The following LRGUK variants were observed in gnomAD, a reference collection of about 807,000 sequenced individuals.
The protein encoded by LRGUK is leucine rich repeats and guanylate kinase domain containing.
LRGUK carries 65 observed loss-of-function variants against 76.0 expected under a neutral mutation model. The ratio of observed to expected loss-of-function variants is 0.85; its 90% CI spans 0.70 to 1.05. The LOEUF (loss-of-function observed/expected upper bound fraction) is 1.05. Among genes scored for constraint, LRGUK ranks in the 50% least tolerant of loss-of-function variants. The pLI is 0.00. For missense variants in LRGUK, 758 were observed against 732.8 expected (o/e 1.03, Z -0.40); for synonymous variants, 268 against 265.6 (o/e 1.01, Z -0.09).
chr7:134,239,633 G>C (rs940552078), intron 16 of LRGUK, among the ~76,000 whole-genome samples: 6 of 152,250 alleles, frequency 3.9e-5, no homozygotes, highest in African/African-American at 1.4e-4. Flanking sequence ...GCAGGACATA[G>C]CTGAATAAAA....
intron 16 of LRGUK, among the ~76,000 whole-genome samples, chr7:134,227,162 C>T (rs950547315): frequency 6.6e-6 from 1 of 152,098 alleles, no homozygotes; most frequent in African/African-American, 2.4e-5. Context: ...GCCACTTATT[C>T]CTATGGACTT....
rs183251140 is a variant in LRGUK, at chr7:134,204,082, T to C, written c.1843+2506T>C. Among the ~76,000 whole-genome samples, 24 of 152,284 alleles carry C rather than the reference T, an allele frequency of 1.6e-4. No homozygotes were observed. In the East Asian group the frequency reaches 4.4e-3, roughly 28 times the overall value. On this transcript the variant is annotated intron_variant, in intron 15 of 15. Coordinates refer to ENST00000645682, the Ensembl canonical transcript of LRGUK. ...TCTTGTGGGTTTGGATAAACATGAA[T>C]CAGTCCCCTGAGCCTGACCAGCTCT...
exon 12 of LRGUK, chr7:134,191,663 A>G (rs1462021246): frequency 3.1e-6 from 5 of 1,610,566 alleles, no homozygotes; most frequent in Non-Finnish European, 4.2e-6. Context: ...AGGGCCTGTC[A>G]TACCACAAGA....
At chr7:134,239,900 CT>C (rs1367220570) in intron 16 of LRGUK, among the ~76,000 whole-genome samples, 2 of 152,218 alleles carry the variant, frequency 1.3e-5, no homozygotes, top group African/African-American at 4.8e-5. Flanking sequence ...GCAATAGTTG[CT>C]GTTCTGCAGC....
chr7:134,247,590 C>T (rs200874637), exon 17 of LRGUK: 747 of 1,613,646 alleles, frequency 4.6e-4, no homozygotes, highest in Admixed American at 7.0e-4. Context: ...CACGAGGCAG[C>T]CCGGCAAGCT....
chr7:134,199,071 T>C (rs1800637278), intron 13 of LRGUK, 149 bp from the exon 14 acceptor site: 5 of 566,202 alleles, frequency 8.8e-6, no homozygotes, highest in Non-Finnish European at 1.5e-5. Context: ...GAGATATTTA[T>C]AGAAAAATAG....
At chr7:134,206,719 A>G (rs1228350755) in intron 15 of LRGUK, among the ~76,000 whole-genome samples, 2 of 152,134 alleles carry the variant, frequency 1.3e-5, no homozygotes, top group Non-Finnish European at 2.9e-5. Context: ...TATATTCACA[A>G]CTCAGTATTA....
chr7:134,184,414 C>A (rs538883760), intron 11 of LRGUK, among the ~76,000 whole-genome samples: 4 of 151,784 alleles, frequency 2.6e-5, no homozygotes, highest in South Asian at 2.1e-4. Context: ...GGACTACAGG[C>A]GGCTGCCACC....
downstream of LRGUK, among the ~76,000 whole-genome samples, chr7:134,268,093 T>C (rs2544189): frequency 0.14 from 21,752 of 151,884 alleles, 3,954 homozygotes; most frequent in African/African-American, 0.42. Flanking sequence ...AACAAAAGCA[T>C]AATAAACACA....
intron 15 of LRGUK, among the ~76,000 whole-genome samples, chr7:134,206,688 T>C (rs543604344): frequency 6.6e-6 from 1 of 152,214 alleles, no homozygotes; most frequent in African/African-American, 2.4e-5. Context: ...CAAAATAGTT[T>C]CTACAAAATA....
At chr7:134,147,864 A>T (rs1454261751) in intron 4 of LRGUK, among the ~76,000 whole-genome samples, 1 of 152,044 alleles carries the variant, frequency 6.6e-6, no homozygotes, top group Non-Finnish European at 1.5e-5. Flanking sequence ...GATCGAGACC[A>T]TCCTGGCTAA....
At chr7:134,172,871 C>T (rs1376944753) in intron 7 of LRGUK, among the ~76,000 whole-genome samples, 7 of 152,002 alleles carry the variant, frequency 4.6e-5, no homozygotes, top group Non-Finnish European at 1.0e-4. Flanking sequence ...GTCCCAGCTA[C>T]TCGGGGGTCG....
At chr7:134,216,093 A>G (rs2117141550) in intron 15 of LRGUK, among the ~76,000 whole-genome samples, 1 of 152,312 alleles carries the variant, frequency 6.6e-6, no homozygotes, top group Admixed American at 6.5e-5. Flanking sequence ...CAGAGTTCTA[A>G]TGTATAAAAT....
At chr7:134,155,006 C>T (rs972857005) in intron 5 of LRGUK, among the ~76,000 whole-genome samples, 3 of 152,130 alleles carry the variant, frequency 2.0e-5, no homozygotes, top group Non-Finnish European at 2.9e-5. Flanking sequence ...AGGCAGATAC[C>T]CACAAGCAGT....
intron 19 of LRGUK, among the ~76,000 whole-genome samples, chr7:134,262,166 G>C (rs1802744296): frequency 6.6e-6 from 1 of 152,130 alleles, no homozygotes; most frequent in Non-Finnish European, 1.5e-5. Flanking sequence ...TTGAGGTCAG[G>C]CATTCGAGAC....
chr7:134,197,137 G>A (rs770828763), intron 13 of LRGUK, 32 bp downstream of exon 13: 3 of 1,299,178 alleles, frequency 2.3e-6, no homozygotes, highest in South Asian at 1.2e-5. Flanking sequence ...ATTAATGTGT[G>A]TGTAGTTTGT....
intron 6 of LRGUK, among the ~76,000 whole-genome samples, chr7:134,161,529 GT>G (rs1486980324): frequency 6.6e-6 from 1 of 151,816 alleles, no homozygotes; most frequent in Admixed American, 6.6e-5. Context: ...CTATTAACAT[GT>G]TTTTAAAAGC....
At chr7:134,239,770 C>G (rs185778976) in intron 16 of LRGUK, among the ~76,000 whole-genome samples, 133 of 152,304 alleles carry the variant, frequency 8.7e-4, no homozygotes, top group Non-Finnish European at 1.5e-3. Context: ...GTCCCTGACC[C>G]CCGAGTAGCC....
At chr7:134,143,097 G>A in exon 4 of LRGUK, 4 of 1,609,266 alleles carry the variant, frequency 2.5e-6, no homozygotes, top group Non-Finnish European at 3.4e-6. Context: ...TTATCTCCTA[G>A]AACTTAATGC....
Sources: allele counts gnomAD v4.1 joint callset (sites outside exome capture counted in the v4.1 genomes callset), GRCh38; gene constraint gnomAD v4.1.1; transcripts MANE v1.5; gene names NCBI Gene and HGNC (gene_info 2026-07-23, HGNC 2026-07-21).